Variants in SDK1 observed in about 807,000 individuals in gnomAD.
SDK1 encodes the protein sidekick cell adhesion molecule 1.
In SDK1, 157 loss-of-function variants were observed where a neutral mutation model predicts 245.5. The observed-to-expected ratio is 0.64, with a 90% CI of 0.56 to 0.73. SDK1 has a LOEUF of 0.73. SDK1 is among the 30% of genes least tolerant of loss of function. SDK1 has a pLI of 0.00. For missense variants in SDK1, 3,583 were observed against 3,002.3 expected, an observed-to-expected ratio of 1.19 and a Z score of -4.52; for synonymous variants, 1,647 against 1,278.5, an observed-to-expected ratio of 1.29 and a Z score of -6.15.
Position 4,174,238 on chromosome 7 carries a change from G to C in SDK1, c.4817G>C (p.Ser1606Thr). The C allele has an allele frequency of 6.2e-7, 1 of 1,614,090 alleles. No individual in the cohort carries two copies. Among genetic ancestry groups the C allele is most frequent in the Non-Finnish European group, 8.5e-7 (1 of 1,179,968 alleles). Residue 1606 changes from serine (S) to threonine (T), a missense_variant, in exon 33 of 45, where the codon AGC becomes ACC. Coordinates refer to ENST00000404826, the MANE Select transcript of SDK1 (RefSeq NM_152744.4). ...TCTTTGCAGCCTCCGAGGGACGAAAGCCTGAATGGCCTTCTTCAGGGATAC... is the reference window on the plus strand; with the variant it reads ...TCTTTGCAGCCTCCGAGGGACGAAACCCTGAATGGCCTTCTTCAGGGATAC... ...LIQWQPPRDESLNGLLQGYRI... is the reference protein window; with the variant it reads ...LIQWQPPRDETLNGLLQGYRI...
At chr7:4,117,415 C>G (rs1378149799) in intron 25 of SDK1, among the ~76,000 whole-genome samples, 2 of 152,324 alleles carry the variant, frequency 1.3e-5, no homozygotes, top group African/African-American at 4.8e-5. Context: ...CTGCACTGAG[C>G]TATGATCGCA....
chr7:3,951,904 C>G lies in SDK1; in HGVS notation c.1134C>G (p.Ala378=), dbSNP rs768689043. The change falls in exon 7 of 45, where the codon GCC becomes GCG. Residue 378 remains alanine, a synonymous_variant. Transcript: ENST00000404826. ...CTTTTGAACCGGCCAGGGCGACGGCCTTTCTTTTCATCATAGGTAATGCGG... is the reference window on the plus strand; with the variant it reads ...CTTTTGAACCGGCCAGGGCGACGGCGTTTCTTTTCATCATAGGTAATGCGG... ...GSAFEPARAT[A]FLFIIEPPYF... is the part of the protein sequence containing the mutation. 8.7e-6 allele frequency: 14 copies of G among 1,612,802 alleles called. No individual in the cohort carries two copies. The highest frequency in any genetic ancestry group is 1.2e-5 in the Non-Finnish European group (14 of 1,179,890).
At chr7:4,180,408 C>CCAGCTCTATGCCCAGCGCCCAGCTA (rs1782534047) in intron 35 of SDK1, among the ~76,000 whole-genome samples, 4 of 126,644 alleles carry the variant, frequency 3.2e-5, no homozygotes, top group Admixed American at 7.8e-5. Flanking sequence ...GCGCCTGGCT[C>CCAGCTCTATGCCCAGCGCCCAGCTA]CAGCTCTATG....
At chr7:4,183,362 G>A (rs1782700809) in intron 35 of SDK1, among the ~76,000 whole-genome samples, 1 of 152,166 alleles carries the variant, frequency 6.6e-6, no homozygotes, top group African/African-American at 2.4e-5. Context: ...CAGGCTGGGT[G>A]CGGTGGTTCA....
chr7:4,136,143 C>T (rs1036204669), intron 28 of SDK1, among the ~76,000 whole-genome samples: 11 of 152,206 alleles, frequency 7.2e-5, no homozygotes, highest in African/African-American at 2.4e-4. Flanking sequence ...CTGAATCACA[C>T]AGCACCGTGT....
At chr7:3,419,788 A>T (rs762558913) in intron 1 of SDK1, among the ~76,000 whole-genome samples, 1 of 151,702 alleles carries the variant, frequency 6.6e-6, no homozygotes, top group South Asian at 2.1e-4. Flanking sequence ...GCCCTATGCT[A>T]TTAACAGAGA....
chr7:3,969,097 C>A (rs899819822), intron 10 of SDK1, among the ~76,000 whole-genome samples, 160 bp from the exon 11 acceptor site: 3 of 152,320 alleles, frequency 2.0e-5, no homozygotes, highest in East Asian at 1.9e-4. Context: ...CAGTCACCTC[C>A]CACCAGATTC....
chr7:4,025,159 C>T (rs953922398), intron 17 of SDK1, among the ~76,000 whole-genome samples: 13 of 152,192 alleles, frequency 8.5e-5, no homozygotes, highest in African/African-American at 2.7e-4. Flanking sequence ...GCTGTGACCA[C>T]GGAATTGATT....
intron 1 of SDK1, among the ~76,000 whole-genome samples, chr7:3,347,803 G>C (rs1030317426): frequency 1.3e-5 from 2 of 151,984 alleles, no homozygotes; most frequent in Non-Finnish European, 2.9e-5. Context: ...GTTAATACAA[G>C]TTTCTTAAGT....
Position 3,641,940 on chromosome 7 carries a change from A to C in SDK1, c.566-18A>C. The C allele has an allele frequency of 2.5e-6, 4 of 1,603,856 alleles. No homozygotes were observed. The highest frequency in any genetic ancestry group is 2.6e-6 in the Non-Finnish European group (3 of 1,175,240). On this transcript the variant is annotated intron_variant, in intron 3 of 44. Transcript: ENST00000404826. ...AAAATGTTTTCTAGAACTTGAAAGCACTTCTTTTTCTCTGCAGATATGGGA... is the reference window on the plus strand; with the variant it reads ...AAAATGTTTTCTAGAACTTGAAAGCCCTTCTTTTTCTCTGCAGATATGGGA...
At chr7:3,363,606 G>T (rs1195520310) in intron 1 of SDK1, among the ~76,000 whole-genome samples, 1 of 152,164 alleles carries the variant, frequency 6.6e-6, no homozygotes, top group South Asian at 2.1e-4. Flanking sequence ...GTGGGAGGTG[G>T]TGTGGATGGT....
intron 4 of SDK1, among the ~76,000 whole-genome samples, chr7:3,762,851 T>C (rs1332816805): frequency 6.6e-6 from 1 of 152,256 alleles, no homozygotes; most frequent in African/African-American, 2.4e-5. Context: ...TGTTATAAAA[T>C]CACACATTTA....
At chr7:3,746,029 A>T (rs1779607464) in intron 4 of SDK1, among the ~76,000 whole-genome samples, 1 of 152,170 alleles carries the variant, frequency 6.6e-6, no homozygotes, top group Admixed American at 6.5e-5. Flanking sequence ...AGGGCTAGTA[A>T]GAGTACCTAC....
At chr7:4,093,774 C>A (rs186145596) in intron 22 of SDK1, among the ~76,000 whole-genome samples, 1 of 152,198 alleles carries the variant, frequency 6.6e-6, no homozygotes, top group Admixed American at 6.5e-5. Context: ...TGCCGAGGGA[C>A]CGGATCCTGG....
rs560090053 is a variant in SDK1, at chr7:3,619,008, T to A, written c.299-72T>A. The A allele has an allele frequency of 2.3e-5, 28 of 1,206,846 alleles. No individual in the cohort carries two copies. The Middle Eastern group carries it at 6.3e-4, about 27-fold the overall frequency. 74.8% of individuals were successfully genotyped at this position (1,206,846 alleles called of 1,614,324 possible). A position where few individuals can be genotyped will look rare whatever the true frequency, so the allele number is the denominator to read the frequency against. On this transcript the variant is annotated intron_variant, in intron 1 of 44. Transcript: ENST00000404826. ...ATATTACGTTTGTTTAAATAATAGA[T>A]TTATTAAATTAGATGAGTGCCACTT...
intron 4 of SDK1, among the ~76,000 whole-genome samples, chr7:3,783,722 A>G (rs1780819605): frequency 6.6e-6 from 1 of 152,256 alleles, no homozygotes; most frequent in Non-Finnish European, 1.5e-5. Context: ...AAATAAATGG[A>G]AAAATATTTT....
intron 28 of SDK1, among the ~76,000 whole-genome samples, chr7:4,145,340 T>G (rs1779887130): frequency 6.6e-6 from 1 of 152,006 alleles, no homozygotes; most frequent in Non-Finnish European, 1.5e-5. Context: ...AACGACTTCC[T>G]AAGAGAGCGA....
At chr7:3,733,635 C>T (rs79030492) in intron 4 of SDK1, among the ~76,000 whole-genome samples, 9,849 of 152,200 alleles carry the variant, frequency 0.065, 381 homozygotes, top group Middle Eastern at 0.12. Context: ...TCTCACTTGG[C>T]TTTGTTTTTC....
chr7:4,104,393 A>T (rs533821340), intron 22 of SDK1, among the ~76,000 whole-genome samples: 2 of 152,226 alleles, frequency 1.3e-5, no homozygotes, highest in African/African-American at 2.4e-5. Flanking sequence ...GCTAGGGGCC[A>T]TCACGTTAAA....
Sources: allele counts gnomAD v4.1 joint callset (sites outside exome capture counted in the v4.1 genomes callset), GRCh38; gene constraint gnomAD v4.1.1; transcripts MANE v1.5; gene names NCBI Gene and HGNC (gene_info 2026-07-23, HGNC 2026-07-21).